The following TXK variants were observed in gnomAD, a reference collection of about 807,000 sequenced individuals.
TXK encodes the protein tyrosine-protein kinase TXK.
Under a neutral mutation model 81.0 loss-of-function variants are expected in TXK, and 60 were observed. That is an observed-to-expected ratio of 0.74 (90% CI 0.60 to 0.92). The LOEUF (loss-of-function observed/expected upper bound fraction) is 0.92. Among genes scored for constraint, TXK ranks in the 40% least tolerant of loss-of-function variants. TXK has a pLI of 0.00. For missense variants in TXK, 581 were observed against 638.3 expected (o/e 0.91, Z 0.97); for synonymous variants, 203 against 210.7 (o/e 0.96, Z 0.32).
intron 1 of TXK, among the ~76,000 whole-genome samples, chr4:48,122,570 C>G (rs1397176240): frequency 1.3e-5 from 2 of 152,088 alleles, no homozygotes; most frequent in Non-Finnish European, 2.9e-5. Context: ...ATTTATTTAC[C>G]TTTTTTTCTT....
chr4:48,128,561 C>A (rs1488224867), intron 1 of TXK, among the ~76,000 whole-genome samples: 1 of 85,296 alleles, frequency 1.2e-5, no homozygotes, highest in Non-Finnish European at 2.1e-5. Context: ...CCACTACATC[C>A]TTTTTTTTTT....
At chr4:48,129,212 G>A (rs187955458) in intron 1 of TXK, among the ~76,000 whole-genome samples, 38 of 152,280 alleles carry the variant, frequency 2.5e-4, no homozygotes, top group Non-Finnish European at 4.6e-4. Context: ...GTGTTCGCAC[G>A]TGTGTGCACT....
intron 8 of TXK, among the ~76,000 whole-genome samples, chr4:48,090,604 T>C (rs780158789): frequency 4.6e-5 from 7 of 152,232 alleles, no homozygotes; most frequent in Non-Finnish European, 8.8e-5. Flanking sequence ...TAATATTTAT[T>C]AAAAGCCTGG....
chr4:48,068,642 T>C (rs1716701595), intron 14 of TXK, among the ~76,000 whole-genome samples: 1 of 152,202 alleles, frequency 6.6e-6, no homozygotes, highest in African/African-American at 2.4e-5. Flanking sequence ...AGCCAAGGAT[T>C]GGAGCATTTT....
At chr4:48,088,914 G>C (rs1179597153) in intron 9 of TXK, among the ~76,000 whole-genome samples, 1 of 152,040 alleles carries the variant, frequency 6.6e-6, no homozygotes, top group Non-Finnish European at 1.5e-5. Context: ...ATTGAGAGAA[G>C]TTTAAAGGAA....
At chr4:48,123,854 TGAC>T (rs1239318111) in intron 1 of TXK, among the ~76,000 whole-genome samples, 3 of 152,186 alleles carry the variant, frequency 2.0e-5, no homozygotes, top group Admixed American at 2.0e-4. Flanking sequence ...CTTCCATAAG[TGAC>T]CCCACCCTGA....
chr4:48,099,614 T>G (rs575837673), intron 6 of TXK, among the ~76,000 whole-genome samples: 45 of 152,292 alleles, frequency 3.0e-4, no homozygotes, highest in Admixed American at 7.8e-4. Flanking sequence ...ATTAATACAT[T>G]CAGAATATTT....
intron 10 of TXK, among the ~76,000 whole-genome samples, chr4:48,083,379 A>G (rs941897423): frequency 2.0e-5 from 3 of 152,198 alleles, no homozygotes; most frequent in South Asian, 2.1e-4. Context: ...GACCAAACCA[A>G]TGTACACCTT....
At chr4:48,103,326 TTAA>T (rs1195306085) in intron 6 of TXK, among the ~76,000 whole-genome samples, 2 of 152,182 alleles carry the variant, frequency 1.3e-5, no homozygotes, top group Non-Finnish European at 2.9e-5. Context: ...GTTGGACCTA[TTAA>T]TGTCACCTTA....
intron 1 of TXK, among the ~76,000 whole-genome samples, chr4:48,127,071 A>C (rs565497722): frequency 6.6e-6 from 1 of 152,192 alleles, no homozygotes; most frequent in African/African-American, 2.4e-5. Flanking sequence ...ATTATGACCC[A>C]ATTTTATTTA....
At chr4:48,081,971 T>G (rs140100991) in intron 10 of TXK, among the ~76,000 whole-genome samples, 219 of 152,324 alleles carry the variant, frequency 1.4e-3, no homozygotes, top group African/African-American at 5.0e-3. Flanking sequence ...CTTGATGACT[T>G]TATCTCAAAA....
intron 11 of TXK, among the ~76,000 whole-genome samples, chr4:48,076,840 G>A (rs1290084073): frequency 5.3e-5 from 8 of 152,062 alleles, no homozygotes; most frequent in South Asian, 2.1e-4. Flanking sequence ...TGCTGCCCAC[G>A]CTGGTCTTGA....
intron 1 of TXK, among the ~76,000 whole-genome samples, chr4:48,123,808 C>A (rs1213264888): frequency 4.6e-5 from 7 of 152,146 alleles, no homozygotes. Flanking sequence ...AACTGCTCTT[C>A]ATCCTCAGCA....
At chr4:48,096,460 T>C (rs1054897604) in intron 6 of TXK, among the ~76,000 whole-genome samples, 4 of 152,172 alleles carry the variant, frequency 2.6e-5, no homozygotes, top group Non-Finnish European at 5.9e-5. Flanking sequence ...CAGAAATTAA[T>C]AGCAAACTGA....
At chr4:48,092,278 A>G (rs1436329603) in intron 8 of TXK, among the ~76,000 whole-genome samples, 1 of 152,184 alleles carries the variant, frequency 6.6e-6, no homozygotes, top group Non-Finnish European at 1.5e-5. Context: ...AGGAAAACCA[A>G]TATTTAAGGG....
At chr4:48,109,484 G>A (rs1162361359) in intron 5 of TXK, 1 of 152,144 alleles carries the variant, frequency 6.6e-6, no homozygotes. Flanking sequence ...TTAGAATCTC[G>A]GGAAGGGCTA....
At chr4:48,094,254 A>T in intron 7 of TXK, 50 bp from the exon 8 acceptor site, 1 of 1,598,612 alleles carries the variant, frequency 6.3e-7, no homozygotes, top group Non-Finnish European at 8.5e-7. Flanking sequence ...ATCAATTTGG[A>T]TCTAAGCCAA....
chr4:48,108,072 AAAATAAATAAAT>A (rs201451840), intron 5 of TXK, among the ~76,000 whole-genome samples: 2 of 151,724 alleles, frequency 1.3e-5, no homozygotes, highest in African/African-American at 4.9e-5. Flanking sequence ...CTCTGTCTCA[AAAATAAATAAAT>A]AAATAAATAA....
At chr4:48,071,022 C>A (rs1329158324) in intron 14 of TXK, among the ~76,000 whole-genome samples, 1 of 150,808 alleles carries the variant, frequency 6.6e-6, no homozygotes, top group African/African-American at 2.4e-5. Context: ...GCTTCAGCAT[C>A]CCCAGTAGCT....
Sources: gnomAD v4.1 joint callset for allele counts (sites outside exome capture counted in the v4.1 genomes callset) on GRCh38, gnomAD v4.1.1 for gene constraint, MANE v1.5 for transcripts, NCBI Gene and HGNC (gene_info 2026-07-23, HGNC 2026-07-21) for gene names.